PIBF1: variants seen among roughly 807,000 people sequenced by gnomAD.
PIBF1 encodes the protein progesterone-induced-blocking factor 1.
A neutral mutation model predicts 112.5 loss-of-function variants in PIBF1; 90 were observed. The observed-to-expected ratio is 0.80, with a 90% CI of 0.67 to 0.95. The LOEUF (loss-of-function observed/expected upper bound fraction) is 0.95. Among genes scored for constraint, PIBF1 ranks in the 40% least tolerant of loss-of-function variants. The pLI is 0.00. For missense variants in PIBF1, 915 were observed against 852.3 expected, an observed-to-expected ratio of 1.07 and a Z score of -0.92; for synonymous variants, 301 against 288.6, an observed-to-expected ratio of 1.04 and a Z score of -0.44.
chr13:72,782,424 AT>A (rs979698338), intron 1 of PIBF1, 75 bp downstream of exon 1: 7 of 151,970 alleles, frequency 4.6e-5, no homozygotes, highest in African/African-American at 1.7e-4. Context: ...TTGGGGCTTA[AT>A]TTTCACGCCG....
At chr13:73,003,006 A>AAAAAAAT in intron 17 of PIBF1, among the ~76,000 whole-genome samples, 1 of 150,346 alleles carries the variant, frequency 6.7e-6, no homozygotes. Flanking sequence ...AAAAAAAAAA[A>AAAAAAAT]AGCCTTAGGC....
intron 16 of PIBF1, among the ~76,000 whole-genome samples, chr13:72,975,299 G>A (rs1360162960): frequency 1.3e-5 from 2 of 151,882 alleles, no homozygotes; most frequent in Non-Finnish European, 2.9e-5. Flanking sequence ...CAAGTGATCT[G>A]CCCGCCTCAA....
At chr13:72,916,555 T>G (rs998849758) in intron 12 of PIBF1, among the ~76,000 whole-genome samples, 17 of 151,898 alleles carry the variant, frequency 1.1e-4, no homozygotes, top group Non-Finnish European at 2.5e-4. Flanking sequence ...TTCACATAAT[T>G]TTTTTACATT....
intron 2 of PIBF1, among the ~76,000 whole-genome samples, chr13:72,787,075 A>G (rs1277652541): frequency 6.6e-6 from 1 of 152,166 alleles, no homozygotes; most frequent in South Asian, 2.1e-4. Flanking sequence ...TTATTAAAGA[A>G]TATGTATATG....
At chr13:72,822,492 G>A (rs965804080) in intron 6 of PIBF1, among the ~76,000 whole-genome samples, 3 of 151,996 alleles carry the variant, frequency 2.0e-5, no homozygotes, top group Non-Finnish European at 4.4e-5. Context: ...ATGTCCCTCA[G>A]TACATCTCTT....
chr13:72,964,362 G>A (rs566216712), intron 14 of PIBF1, among the ~76,000 whole-genome samples: 1 of 152,264 alleles, frequency 6.6e-6, no homozygotes, highest in African/African-American at 2.4e-5. Context: ...TGTTTAATGG[G>A]TACAGAGTTT....
At chr13:72,987,734 A>G (rs1246474288) in intron 16 of PIBF1, among the ~76,000 whole-genome samples, 3 of 144,986 alleles carry the variant, frequency 2.1e-5, no homozygotes, top group Non-Finnish European at 4.5e-5. Flanking sequence ...CTGGTCTCAA[A>G]CTCCTGGACT....
In PIBF1 at chr13:72,885,338, G is replaced by GT. The variant is rs1387349909; in HGVS notation, c.1323-8440dup. Among the ~76,000 whole-genome samples the GT allele has an allele frequency of 1.2e-4, 18 of 152,018 alleles. No homozygotes were observed. In the East Asian group the frequency reaches 2.5e-3, roughly 21 times the overall value. ...TGGAAACAATAATCTTAATTCACTG[G>GT]TTTTTTCATACTTCAGAAGAGACTG... On this transcript the variant is annotated intron_variant, in intron 10 of 17. Coordinates refer to ENST00000326291, the MANE Select transcript of PIBF1 (RefSeq NM_006346.4).
At chr13:72,937,302 T>G (rs1413258180) in intron 14 of PIBF1, among the ~76,000 whole-genome samples, 1 of 152,234 alleles carries the variant, frequency 6.6e-6, no homozygotes, top group Non-Finnish European at 1.5e-5. Context: ...TGTTGCTTAT[T>G]GGCTATAACT....
At chr13:72,819,869 C>T (rs2036466465) in intron 5 of PIBF1, among the ~76,000 whole-genome samples, 1 of 152,060 alleles carries the variant, frequency 6.6e-6, no homozygotes, top group Admixed American at 6.6e-5. Context: ...CACTGTCTTC[C>T]ACTGTTTTTC....
At chr13:72,841,589 GGC>G (rs1172626534) in intron 9 of PIBF1, among the ~76,000 whole-genome samples, 6 of 152,102 alleles carry the variant, frequency 3.9e-5, no homozygotes, top group Non-Finnish European at 7.4e-5. Context: ...TGGGCAACAT[GGC>G]AGAACCCCGT....
chr13:72,971,605 T>A (rs951754262), intron 15 of PIBF1, among the ~76,000 whole-genome samples: 4 of 152,264 alleles, frequency 2.6e-5, no homozygotes, highest in Non-Finnish European at 5.9e-5. Flanking sequence ...CCTATTTTTT[T>A]ATCTAAATTA....
chr13:72,803,189 A>G (rs1040391351), intron 5 of PIBF1, among the ~76,000 whole-genome samples: 7 of 152,080 alleles, frequency 4.6e-5, no homozygotes, highest in African/African-American at 1.7e-4. Context: ...AGGAACAAAG[A>G]GAGTTGGCAA....
Position 72,998,967 on chromosome 13 carries a change from A to T in PIBF1, c.2195A>T (p.Asn732Ile), listed in dbSNP as rs1485179065. The change falls in exon 17 of 18, where the codon AAT becomes ATT. Residue 732 changes from asparagine to isoleucine, a missense_variant. Asn to Ile is a moderately radical substitution (Grantham distance 149). Coordinates refer to ENST00000326291, the MANE Select transcript of PIBF1 (RefSeq NM_006346.4). ...TLNVPKEHEDNIFTPKPTLFT... is the reference protein window; with the variant it reads ...TLNVPKEHEDIIFTPKPTLFT... ...AATGTGCCTAAAGAGCATGAAGACA[A>T]TATATTTACACCTAAACCAACACTC... 4.4e-6 allele frequency: 7 copies of T among 1,606,814 alleles called. No homozygotes were observed. Among genetic ancestry groups the T allele is most frequent in the Non-Finnish European group, 6.0e-6 (7 of 1,175,304 alleles).
chr13:72,793,761 C>T (rs2035054486), intron 3 of PIBF1, among the ~76,000 whole-genome samples: 1 of 152,118 alleles, frequency 6.6e-6, no homozygotes, highest in Non-Finnish European at 1.5e-5. Flanking sequence ...TCAAGGATTA[C>T]ATCAAAAGTT....
At chr13:73,007,877 A>G (rs766354882) in intron 17 of PIBF1, among the ~76,000 whole-genome samples, 7 of 152,136 alleles carry the variant, frequency 4.6e-5, no homozygotes, top group South Asian at 2.1e-4. Context: ...ACCATGGACC[A>G]TAGTTTACTG....
intron 9 of PIBF1, among the ~76,000 whole-genome samples, chr13:72,851,640 C>A (rs539367698): frequency 6.6e-6 from 1 of 152,358 alleles, no homozygotes; most frequent in South Asian, 2.1e-4. Flanking sequence ...GGTGAAGCCC[C>A]ACCCTCAAGC....
At chr13:72,831,639 A>G (rs767279290) in intron 8 of PIBF1, among the ~76,000 whole-genome samples, 41 of 152,058 alleles carry the variant, frequency 2.7e-4, no homozygotes, top group Non-Finnish European at 5.9e-4. Flanking sequence ...ACAGTTTGTT[A>G]TGATTTCTGT....
In PIBF1 at chr13:73,015,918, A is replaced by G. The variant is rs779091952; in HGVS notation, c.2273A>G (p.Ter758TrpextTer19). The G allele has an allele frequency of 2.5e-6, 4 of 1,583,882 alleles. No homozygotes were observed. The highest frequency in any genetic ancestry group is 3.4e-6 in the Non-Finnish European group (4 of 1,162,536). The change falls in exon 18 of 18, where the codon TAG becomes TGG. Residue 758 changes from the stop codon to tryptophan, a stop_lost. Transcript: ENST00000326291. ...EWSKKQKMKT[*>W] ...TCTAAGAAACAAAAGATGAAGACCTAGTGTTTTGGATGGGAAGCACCTGTA... is the reference window on the plus strand; with the variant it reads ...TCTAAGAAACAAAAGATGAAGACCTGGTGTTTTGGATGGGAAGCACCTGTA...
Sources: allele counts gnomAD v4.1 joint callset (sites outside exome capture counted in the v4.1 genomes callset), GRCh38; gene constraint gnomAD v4.1.1; transcripts MANE v1.5; gene names NCBI Gene and HGNC (gene_info 2026-07-23, HGNC 2026-07-21).